The following HERC4 variants were observed in gnomAD, a reference collection of about 807,000 sequenced individuals.
The protein encoded by HERC4 is HECT and RLD domain containing E3 ubiquitin protein ligase 4.
In HERC4, 28 loss-of-function variants were observed where a neutral mutation model predicts 124.3. The observed-to-expected ratio is 0.23, with a 90% CI of 0.17 to 0.31. The LOEUF (loss-of-function observed/expected upper bound fraction) is 0.31, where lower values mean the gene tolerates loss of function less well. Among genes scored for constraint, HERC4 ranks in the 10% least tolerant of loss-of-function variants. The pLI is 1.00. For missense variants in HERC4, 713 were observed against 1,229.3 expected (o/e 0.58, Z 6.28); for synonymous variants, 407 against 421.5 (o/e 0.97, Z 0.42).
chr10:67,963,106 A>C (rs1589193784), intron 16 of HERC4, among the ~76,000 whole-genome samples: 2 of 152,336 alleles, frequency 1.3e-5, no homozygotes, highest in African/African-American at 4.8e-5. Flanking sequence ...ACTCTCATAA[A>C]AGTTACTCTG....
chr10:67,969,232 T>C (rs1219817392), intron 15 of HERC4, among the ~76,000 whole-genome samples: 1 of 152,172 alleles, frequency 6.6e-6, no homozygotes, highest in Non-Finnish European at 1.5e-5. Flanking sequence ...AACAAATCCT[T>C]ACAAAAGGTA....
intron 24 of HERC4, among the ~76,000 whole-genome samples, chr10:67,924,465 G>C (rs1318962556): frequency 6.6e-6 from 1 of 152,096 alleles, no homozygotes; most frequent in Non-Finnish European, 1.5e-5. Context: ...GCATGTTACT[G>C]TACTGAATTC....
At chr10:67,964,352 A>G (rs2034719729) in intron 16 of HERC4, among the ~76,000 whole-genome samples, 1 of 151,966 alleles carries the variant, frequency 6.6e-6, no homozygotes, top group Non-Finnish European at 1.5e-5. Context: ...TCCCTCTACC[A>G]CACCTGCTTT....
At chr10:68,031,741 T>C (rs1258218539) in intron 7 of HERC4, among the ~76,000 whole-genome samples, 2 of 152,180 alleles carry the variant, frequency 1.3e-5, no homozygotes, top group African/African-American at 2.4e-5. Context: ...TTTTAAAGCC[T>C]GATTAGAAGT....
At chr10:68,074,513 C>G (rs1262368026) in intron 1 of HERC4, 1 of 152,162 alleles carries the variant, frequency 6.6e-6, no homozygotes, top group African/African-American at 2.4e-5. Context: ...GTTTAACCAC[C>G]CTTTTCTTTA....
chr10:68,059,082 T>C (rs1385234541), intron 3 of HERC4, among the ~76,000 whole-genome samples: 1 of 152,148 alleles, frequency 6.6e-6, no homozygotes, highest in Non-Finnish European at 1.5e-5. Context: ...CTCTATACAT[T>C]ACTCTCTACA....
chr10:68,059,480 ATTAT>A, intron 3 of HERC4, among the ~76,000 whole-genome samples: 1 of 130,590 alleles, frequency 7.7e-6, no homozygotes, highest in African/African-American at 2.9e-5. Flanking sequence ...ATATTATAAT[ATTAT>A]ATATTATAAC....
intron 15 of HERC4, among the ~76,000 whole-genome samples, chr10:67,972,286 C>T: frequency 6.7e-6 from 1 of 149,890 alleles, no homozygotes. Context: ...CTTTGGGAGG[C>T]CGAGGTGGGC....
chr10:68,010,308 G>T, intron 9 of HERC4: 2 of 951,730 alleles, frequency 2.1e-6, no homozygotes, highest in Non-Finnish European at 3.3e-6. Flanking sequence ...ATAGCCTGGG[G>T]TACCAAAATG....
At chr10:67,993,845 T>G in intron 9 of HERC4, 1 of 152,262 alleles carries the variant, frequency 6.6e-6, no homozygotes, top group East Asian at 1.9e-4. Flanking sequence ...GGCTAGTCCA[T>G]AGTCTATCCC....
intron 21 of HERC4, among the ~76,000 whole-genome samples, chr10:67,936,456 A>C (rs923885111): frequency 1.3e-5 from 2 of 152,212 alleles, no homozygotes; most frequent in African/African-American, 4.8e-5. Flanking sequence ...CAAATTACCA[A>C]GTTTGGTAAG....
At chr10:68,004,183 G>A (rs1017544161) in intron 9 of HERC4, among the ~76,000 whole-genome samples, 22 of 152,104 alleles carry the variant, frequency 1.4e-4, no homozygotes, top group African/African-American at 4.1e-4. Context: ...ATTTTTTAAT[G>A]AGATTATTAG....
chr10:67,923,124 C>T lies in HERC4; in HGVS notation c.2957G>A (p.Ser986Asn). The change falls in exon 25 of 25, where the codon AGT (serine) becomes AAT (asparagine). Residue 986 changes from serine to asparagine, a missense_variant. Physicochemically the swap from Ser to Asn is conservative, Grantham distance 46. Transcript: ENST00000373700. ...KKQFLLFLTG[S>N]DRIPILGMKS... Reference sequence around the variant, plus strand: ...CATACCAAGAATAGGAATGCGATCACTACCTGTCAAAAATACTGCCAAGAA... The same window carrying T: ...CATACCAAGAATAGGAATGCGATCATTACCTGTCAAAAATACTGCCAAGAA... 1 of 1,612,540 alleles carries T rather than the reference C, an allele frequency of 6.2e-7. No individual in the cohort carries two copies. The highest frequency in any genetic ancestry group is 8.5e-7 in the Non-Finnish European group (1 of 1,179,448).
intron 19 of HERC4, among the ~76,000 whole-genome samples, chr10:67,947,227 T>G (rs2033437227): frequency 6.6e-6 from 1 of 152,176 alleles, no homozygotes; most frequent in Non-Finnish European, 1.5e-5. Context: ...AAAACAAGTC[T>G]TTAAAAAAAT....
intron 16 of HERC4, among the ~76,000 whole-genome samples, chr10:67,963,143 T>C (rs2034628212): frequency 6.6e-6 from 1 of 152,232 alleles, no homozygotes; most frequent in Admixed American, 6.5e-5. Flanking sequence ...ATTTATGTTG[T>C]GAGTTAGAAT....
At chr10:67,938,745 A>C (rs2032611451) in intron 21 of HERC4, among the ~76,000 whole-genome samples, 1 of 152,034 alleles carries the variant, frequency 6.6e-6, no homozygotes, top group Admixed American at 6.6e-5. Context: ...GGAGTTCGAG[A>C]CCAGCCTGGC....
intron 9 of HERC4, chr10:67,993,845 T>C (rs2036697237): frequency 6.6e-6 from 1 of 152,262 alleles, no homozygotes; most frequent in African/African-American, 2.4e-5. Flanking sequence ...GGCTAGTCCA[T>C]AGTCTATCCC....
intron 3 of HERC4, among the ~76,000 whole-genome samples, chr10:68,046,986 A>T (rs75403123): frequency 6.7e-6 from 1 of 149,490 alleles, no homozygotes; most frequent in Non-Finnish European, 1.5e-5. Flanking sequence ...AACAAACAAA[A>T]AAAAACATGA....
intron 7 of HERC4, among the ~76,000 whole-genome samples, 193 bp from the exon 8 acceptor site, chr10:68,025,869 T>G (rs973572476): frequency 3.9e-5 from 6 of 152,158 alleles, no homozygotes; most frequent in African/African-American, 1.4e-4. Flanking sequence ...GGTAATGATG[T>G]TTTCACCGTT....
Sources: allele counts gnomAD v4.1 joint callset (sites outside exome capture counted in the v4.1 genomes callset), GRCh38; gene constraint gnomAD v4.1.1; transcripts MANE v1.5; gene names NCBI Gene and HGNC (gene_info 2026-07-23, HGNC 2026-07-21).